THSD7A: variants seen among roughly 807,000 people sequenced by gnomAD.
THSD7A encodes the protein thrombospondin type-1 domain-containing protein 7A.
A neutral mutation model predicts 231.3 loss-of-function variants in THSD7A; 96 were observed. The ratio of observed to expected loss-of-function variants is 0.41; its 90% confidence interval spans 0.35 to 0.49. The LOEUF (loss-of-function observed/expected upper bound fraction) is 0.49. Among genes scored for constraint, THSD7A ranks in the 20% least tolerant of loss-of-function variants. THSD7A has a pLI of 0.05. For synonymous variants in THSD7A, 940 were observed against 743.3 expected (o/e 1.26, Z -4.30); for missense variants, 2,290 against 2,070.2 (o/e 1.11, Z -2.06).
At chr7:11,482,494 A>G (rs1786471897) in intron 6 of THSD7A, among the ~76,000 whole-genome samples, 1 of 152,192 alleles carries the variant, frequency 6.6e-6, no homozygotes, top group African/African-American at 2.4e-5. Flanking sequence ...CTTCTTTCGT[A>G]AAAAATTGTT....
chr7:11,596,554 C>A (rs191330788), intron 2 of THSD7A, among the ~76,000 whole-genome samples: 3 of 152,232 alleles, frequency 2.0e-5, no homozygotes, highest in South Asian at 4.2e-4. Context: ...AAAGGCCAAA[C>A]GGAAGCCATT....
In THSD7A at chr7:11,804,835, G is replaced by GT. The variant is rs145950393; in HGVS notation, c.190+26921dup. 4.2e-3 allele frequency among the ~76,000 whole-genome samples: 633 copies of GT among 152,264 alleles called. 9 individuals carry two copies. The highest frequency in any genetic ancestry group is 0.013 in the African/African-American group (557 of 41,568). ...ACATCTGCGGCCTCTCGGTCCCCAT[G>GT]TGCAGGCCTAGCCCCGCTTGGTTCT... is the stretch of plus-strand genomic sequence containing the variant. On this transcript the variant is annotated intron_variant, in intron 1 of 27. Transcript: ENST00000423059.
chr7:11,485,280 T>C (rs1301316729), intron 6 of THSD7A, among the ~76,000 whole-genome samples: 1 of 152,182 alleles, frequency 6.6e-6, no homozygotes, highest in African/African-American at 2.4e-5. Flanking sequence ...TTTATTGTCT[T>C]CTGGTTTGAT....
chr7:11,782,127 A>T (rs77130285), intron 1 of THSD7A, among the ~76,000 whole-genome samples: 2 of 152,184 alleles, frequency 1.3e-5, no homozygotes, highest in Admixed American at 6.5e-5. Flanking sequence ...TAATTTTTTT[A>T]AAAAAGAAAC....
chr7:11,827,764 T>C (rs1275805479), intron 1 of THSD7A, among the ~76,000 whole-genome samples: 2 of 152,220 alleles, frequency 1.3e-5, no homozygotes, highest in Non-Finnish European at 2.9e-5. Context: ...TCCCATGAGA[T>C]ATATTGGTCT....
chr7:11,477,187 C>T (rs1384401158), intron 7 of THSD7A, among the ~76,000 whole-genome samples: 7 of 152,166 alleles, frequency 4.6e-5, no homozygotes, highest in Non-Finnish European at 8.8e-5. Flanking sequence ...TTAGATGTCA[C>T]ACTTTGTTAG....
intron 1 of THSD7A, among the ~76,000 whole-genome samples, chr7:11,708,324 T>G (rs946990420): frequency 5.3e-5 from 8 of 150,794 alleles, no homozygotes; most frequent in African/African-American, 1.9e-4. Context: ...TAAAATGGAT[T>G]TTGTTCATGC....
chr7:11,565,692 T>G (rs780529878), intron 4 of THSD7A, among the ~76,000 whole-genome samples: 4 of 152,210 alleles, frequency 2.6e-5, no homozygotes, highest in Non-Finnish European at 5.9e-5. Context: ...TTGGTTGTCA[T>G]CACATCGTTT....
At chr7:11,577,442 G>T (rs1790963652) in intron 4 of THSD7A, among the ~76,000 whole-genome samples, 1 of 151,958 alleles carries the variant, frequency 6.6e-6, no homozygotes, top group East Asian at 1.9e-4. Flanking sequence ...TCAGTCTCCT[G>T]AGTATCTGGG....
intron 4 of THSD7A, among the ~76,000 whole-genome samples, chr7:11,543,441 C>A (rs1215952800): frequency 6.6e-6 from 1 of 152,132 alleles, no homozygotes. Flanking sequence ...ATCTAAAATT[C>A]TATAGCAATA....
At chr7:11,549,422 T>C (rs1583954106) in intron 4 of THSD7A, among the ~76,000 whole-genome samples, 1 of 152,188 alleles carries the variant, frequency 6.6e-6, no homozygotes, top group Non-Finnish European at 1.5e-5. Context: ...ACAATCCCTT[T>C]ACTGGGTATA....
At chr7:11,824,172 A>T (rs1784957538) in intron 1 of THSD7A, among the ~76,000 whole-genome samples, 1 of 152,010 alleles carries the variant, frequency 6.6e-6, no homozygotes, top group African/African-American at 2.4e-5. Flanking sequence ...TTGTATTAGG[A>T]AAGATATATT....
At chr7:11,448,889 G>A (rs928116661) in intron 11 of THSD7A, among the ~76,000 whole-genome samples, 1 of 152,028 alleles carries the variant, frequency 6.6e-6, no homozygotes, top group South Asian at 2.1e-4. Flanking sequence ...AAAAGAACAG[G>A]GGCCCCTAAA....
At chr7:11,572,544 T>C (rs1382421112) in intron 4 of THSD7A, among the ~76,000 whole-genome samples, 1 of 152,194 alleles carries the variant, frequency 6.6e-6, no homozygotes, top group African/African-American at 2.4e-5. Flanking sequence ...GGGTCTCACT[T>C]GCTGCCCAGG....
In THSD7A at chr7:11,593,629, G is replaced by A. The variant is rs1053812513; in HGVS notation, c.1023-127C>T. ...TTGGAGGTGTGATTCCAGTTTCATCGAAAATACATCAACATTTATGATGTG... is the reference window on the plus strand; with the variant it reads ...TTGGAGGTGTGATTCCAGTTTCATCAAAAATACATCAACATTTATGATGTG... On this transcript the variant is annotated intron_variant, in intron 2 of 27. Transcript: ENST00000423059. 5.7e-5 allele frequency: 63 copies of A among 1,113,790 alleles called. No homozygotes were observed. In the East Asian group the frequency reaches 1.0e-3, roughly 18 times the overall value. The allele number at this position is 1,113,790 out of a possible 1,614,324, so 69.0% of individuals were successfully genotyped here.
chr7:11,693,793 A>C (rs1333387767), intron 1 of THSD7A, among the ~76,000 whole-genome samples: 3 of 151,542 alleles, frequency 2.0e-5, no homozygotes, highest in African/African-American at 7.3e-5. Context: ...ACCATGACAT[A>C]TGGTAGCTGT....
intron 4 of THSD7A, among the ~76,000 whole-genome samples, chr7:11,564,491 C>T (rs1451342752): frequency 6.6e-6 from 1 of 152,328 alleles, no homozygotes; most frequent in Admixed American, 6.5e-5. Flanking sequence ...TGCCAGTGAG[C>T]CTTGCCAGGG....
Position 11,412,630 on chromosome 7 carries a change from C to T in THSD7A, c.3682+26G>A, listed in dbSNP as rs368670046. 8.6e-5 allele frequency: 139 copies of T among 1,612,922 alleles called. No individual in the cohort carries two copies. In the African/African-American group the frequency reaches 1.6e-3, roughly 19 times the overall value. On this transcript the variant is annotated intron_variant, in intron 18 of 27. Transcript: ENST00000423059. ...ACAGACACAGGATTTGGACTTAACT[C>T]CGTGATCAGATGATGATCCATGTAC...
At chr7:11,784,106 A>G (rs933527620) in intron 1 of THSD7A, among the ~76,000 whole-genome samples, 4 of 151,974 alleles carry the variant, frequency 2.6e-5, no homozygotes, top group African/African-American at 9.7e-5. Context: ...CCTCCTTTGA[A>G]ACTAGGGTGT....
Sources: gnomAD v4.1 joint callset for allele counts (sites outside exome capture counted in the v4.1 genomes callset) on GRCh38, gnomAD v4.1.1 for gene constraint, MANE v1.5 for transcripts, NCBI Gene and HGNC (gene_info 2026-07-23, HGNC 2026-07-21) for gene names.